The following ENPP7 variants were observed in gnomAD, a reference collection of about 807,000 sequenced individuals.
The protein encoded by ENPP7 is ectonucleotide pyrophosphatase/phosphodiesterase 7.
Under a neutral mutation model 33.6 loss-of-function variants are expected in ENPP7, and 39 were observed. That is an observed-to-expected ratio of 1.16 (90% CI 0.90 to 1.52). The LOEUF (loss-of-function observed/expected upper bound fraction) is 1.52. Among genes scored for constraint, ENPP7 ranks in the 40% most tolerant of loss-of-function variants. The pLI is 0.00. For missense variants in ENPP7, 594 were observed against 641.0 expected (o/e 0.93, Z 0.79); for synonymous variants, 244 against 274.3 (o/e 0.89, Z 1.09).
At position 79,737,084 on chromosome 17, in the gene ENPP7, A is replaced by T; in HGVS notation, c.1070A>T (p.Asn357Ile). ...AACAATGGGGAGCACGGCTTTGACA[A>T]CAAGGACATGGACATGAAGACCATC... ...QFNNGEHGFD[N>I]KDMDMKTIFR... The change falls in exon 4 of 6, where the codon AAC becomes ATC. Residue 357 changes from asparagine to isoleucine, a missense_variant. By Grantham distance (149) the Asn-to-Ile change is moderately radical. Around this residue, in one of 3 missense-constraint regions of ENPP7, gnomAD observed 504 missense variants for 512.8 expected, o/e 0.98. Transcript: ENST00000328313. This position sits in a 1 kb window ranked among gnomAD's most constrained non-coding sequence, Gnocchi z 5.5. 1 of 1,614,180 alleles carries T rather than the reference A, an allele frequency of 6.2e-7. No homozygotes were observed. Among genetic ancestry groups the T allele is most frequent in the South Asian group, 1.1e-5 (1 of 91,090 alleles).
chr17:79,738,817 C>G lies in ENPP7; in HGVS notation c.*16+755C>G, dbSNP rs1555824132. On this transcript the variant is annotated intron_variant, in intron 5 of 5. Coordinates refer to ENST00000328313, the MANE Select transcript of ENPP7 (RefSeq NM_178543.5). This position sits in a 1 kb window ranked among gnomAD's most constrained non-coding sequence, Gnocchi z 6.2. ...CCCTTGTCTGTCTGTGCAGCCACAG[C>G]CTCCTAGGCCAAGCAGAAGAAAGTC... 6.6e-6 allele frequency: 1 copy of G among 152,072 alleles called. No individual in the cohort carries two copies. Among genetic ancestry groups the G allele is most frequent in the African/African-American group, 2.4e-5 (1 of 41,406 alleles). 9.4% of individuals were successfully genotyped at this position (152,072 alleles called of 1,614,324 possible). A position where few individuals can be genotyped will look rare whatever the true frequency, so the allele number is the denominator to read the frequency against.
intron 2 of ENPP7, among the ~76,000 whole-genome samples, chr17:79,733,902 TG>T (rs2145790914): frequency 6.6e-6 from 1 of 152,244 alleles, no homozygotes; most frequent in East Asian, 1.9e-4. Context: ...CGGTCCTCTC[TG>T]GGGGGCCCTG....
At chr17:79,733,750 C>A in intron 2 of ENPP7, 97 bp downstream of exon 2, 1 of 1,321,590 alleles carries the variant, frequency 7.6e-7, no homozygotes, top group Non-Finnish European at 1.0e-6. Context: ...CAGGTCCCTT[C>A]CCCACTCCAG....
intron 5 of ENPP7, 35 bp from the exon 6 acceptor site, chr17:79,741,759 C>G: frequency 1.0e-6 from 1 of 985,130 alleles, no homozygotes. Context: ...CCCATCCTCT[C>G]CTCCCAGACC....
intron 3 of ENPP7, among the ~76,000 whole-genome samples, chr17:79,736,342 C>T (rs2094295715): frequency 6.6e-6 from 1 of 152,214 alleles, no homozygotes; most frequent in Non-Finnish European, 1.5e-5. Context: ...TCTGGCCTCT[C>T]CTTCCATCTC....
At position 79,741,731 on chromosome 17, in the gene ENPP7, G is replaced by T. The variant is rs531224707; in HGVS notation, c.*17-63G>T. The T allele has an allele frequency of 1.6e-5, 15 of 936,228 alleles. No homozygotes were observed. The African/African-American group carries it at 2.6e-4, about 16-fold the overall frequency. The allele number at this position is 936,228 out of a possible 1,614,324, so 58.0% of individuals were successfully genotyped here. A position where few individuals can be genotyped will look rare whatever the true frequency, so the allele number is the denominator to read the frequency against. On this transcript the variant is annotated intron_variant, in intron 5 of 5. Coordinates refer to ENST00000328313, the MANE Select transcript of ENPP7 (RefSeq NM_178543.5). The stretch of plus-strand genomic sequence containing the variant: ...CACCGCTGCTTCACCTGTCCCACCA[G>T]ACCTGCCCTCAGCCTGCCCCATCCT...
Position 79,737,088 on chromosome 17 carries a change from G to A in ENPP7, c.1074G>A (p.Lys358=), listed in dbSNP as rs1568487515. Residue 358 remains lysine, a synonymous_variant, in exon 4 of 6, where the codon AAG becomes AAA. Coordinates refer to ENST00000328313, the MANE Select transcript of ENPP7 (RefSeq NM_178543.5). The surrounding 1 kb of genome is among the most constrained non-coding windows in gnomAD (Gnocchi z 5.5). ...ATGGGGAGCACGGCTTTGACAACAA[G>A]GACATGGACATGAAGACCATCTTCC... ...FNNGEHGFDN[K]DMDMKTIFRA... is the part of the protein sequence containing the mutation. 5.0e-6 allele frequency: 8 copies of A among 1,614,194 alleles called. No homozygotes were observed. The highest frequency in any genetic ancestry group is 5.9e-6 in the Non-Finnish European group (7 of 1,180,038).
At chr17:79,733,953 G>A (rs1278605260) in intron 2 of ENPP7, among the ~76,000 whole-genome samples, 1 of 152,186 alleles carries the variant, frequency 6.6e-6, no homozygotes, top group Non-Finnish European at 1.5e-5. Context: ...GTCGGAGGGA[G>A]AACTGCACCC....
rs782193676 is a variant in ENPP7 at position 79,737,218 on chromosome 17, A to C, written c.1204A>C (p.Asn402His). The C allele has an allele frequency of 6.2e-6, 10 of 1,611,262 alleles. No homozygotes were observed. Among genetic ancestry groups the C allele is most frequent in the Non-Finnish European group, 8.5e-6 (10 of 1,179,918 alleles). The stretch of plus-strand genomic sequence containing the variant: ...GCTGCTGGGCATCGTGCCCGAGGCC[A>C]ACGATGGGCACCTAGCTACTCTGCT... ...CRLLGIVPEA[N>H]DGHLATLLPM... is the part of the protein sequence containing the mutation. The change falls in exon 4 of 6, where the codon AAC becomes CAC. Residue 402 changes from asparagine (N) to histidine (H), a missense_variant. Asn to His is a moderately conservative substitution (Grantham distance 68). This residue lies in a region of ENPP7 where 504 missense variants were observed against 512.8 expected (regional missense o/e 0.98). Transcript: ENST00000328313. The surrounding 1 kb of genome is among the most constrained non-coding windows in gnomAD (Gnocchi z 5.5).
chr17:79,735,039 G>C lies in ENPP7; in HGVS notation c.400-4G>C. ...CCTGTCTTTCACGCTGCCTTGTCTGGCAGGGCCTGAGGGCTGGCTCCTTCT... is the reference window on the plus strand; with the variant it reads ...CCTGTCTTTCACGCTGCCTTGTCTGCCAGGGCCTGAGGGCTGGCTCCTTCT... On this transcript the variant is annotated splice_region_variant and splice_polypyrimidine_tract_variant and intron_variant, in intron 2 of 5. Transcript: ENST00000328313. The surrounding 1 kb of genome is among the most constrained non-coding windows in gnomAD (Gnocchi z 5.5). The C allele has an allele frequency of 6.2e-7, 1 of 1,612,052 alleles. No individual in the cohort carries two copies. The highest frequency in any genetic ancestry group is 8.5e-7 in the Non-Finnish European group (1 of 1,179,342).
Position 79,735,567 on chromosome 17 carries a change from C to G in ENPP7, c.924C>G (p.His308Gln). 1 of 1,613,932 alleles carries G rather than the reference C, an allele frequency of 6.2e-7. No homozygotes were observed. The highest frequency in any genetic ancestry group is 1.1e-5 in the South Asian group (1 of 91,088). The change falls in exon 3 of 6, where the codon CAC (histidine) becomes CAG (glutamine). Residue 308 changes from histidine to glutamine, a missense_variant. By Grantham distance (24) the His-to-Gln change is conservative. This residue lies in a region of ENPP7 where 504 missense variants were observed against 512.8 expected (regional missense o/e 0.98). Transcript: ENST00000328313. This position sits in a 1 kb window ranked among gnomAD's most constrained non-coding sequence, Gnocchi z 5.5. The part of the protein sequence containing the change: ...DALKDAHPKL[H>Q]VYKKEAFPEA... ...TCAAGGACGCCCACCCCAAGCTCCACGTCTACAAGAAGGAGGCGTTCCCCG... is the reference window on the plus strand; with the variant it reads ...TCAAGGACGCCCACCCCAAGCTCCAGGTCTACAAGAAGGAGGCGTTCCCCG...
At position 79,736,536 on chromosome 17, in the gene ENPP7, C is replaced by CACGTGTGT. The variant is rs1317944325; in HGVS notation, c.1027-505_1027-504insACGTGTGT. On this transcript the variant is annotated intron_variant, in intron 3 of 5. Coordinates refer to ENST00000328313, the MANE Select transcript of ENPP7 (RefSeq NM_178543.5). The stretch of plus-strand genomic sequence containing the variant: ...TCATGACCAGGCACTGTGTGATAGG[C>CACGTGTGT]GTGTGTGTGTGTGTGTGTGTGTGTG... Among the ~76,000 whole-genome samples the CACGTGTGT allele has an allele frequency of 1.3e-3, 183 of 146,114 alleles. 3 individuals carry two copies. Among genetic ancestry groups the CACGTGTGT allele is most frequent in the African/African-American group, 4.4e-3 (176 of 40,234 alleles).
At chr17:79,741,304 T>A (rs1555824512) in intron 5 of ENPP7, among the ~76,000 whole-genome samples, 1 of 152,232 alleles carries the variant, frequency 6.6e-6, no homozygotes, top group African/African-American at 2.4e-5. Flanking sequence ...GGCCCATTTC[T>A]TTCCTCTGAA....
Position 79,741,811 on chromosome 17 carries a change from C to G in ENPP7, c.*34C>G, listed in dbSNP as rs1473841098. 9.1e-6 allele frequency: 9 copies of G among 985,970 alleles called. No individual in the cohort carries two copies. The highest frequency in any genetic ancestry group is 1.1e-5 in the Non-Finnish European group (9 of 830,496). The allele number at this position is 985,970 out of a possible 1,614,324, so 61.1% of individuals were successfully genotyped here. On this transcript the variant is annotated 3_prime_UTR_variant, in exon 6 of 6. Coordinates refer to ENST00000328313, the MANE Select transcript of ENPP7 (RefSeq NM_178543.5). ...TCTTCCAGGAAGCCGCCGGGAGCTG[C>G]CCGCAGGCCCTGGGCCGGCTGTCTC...
intron 5 of ENPP7, among the ~76,000 whole-genome samples, chr17:79,740,907 G>A (rs1905475553): frequency 6.6e-6 from 1 of 152,214 alleles, no homozygotes; most frequent in African/African-American, 2.4e-5. Flanking sequence ...CTAAGAGCTG[G>A]GGGGTCCGAA....
At chr17:79,732,153 C>CATATATATATATATATATATAT (rs2094287791) in intron 1 of ENPP7, among the ~76,000 whole-genome samples, 1 of 73,706 alleles carries the variant, frequency 1.4e-5, no homozygotes, top group Non-Finnish European at 3.0e-5. Context: ...TATATATACA[C>CATATATATATATATATATATAT]ACACATATAT....
Position 79,731,453 on chromosome 17 carries a change from G to A in ENPP7, c.253+61G>A, listed in dbSNP as rs1671860826. On this transcript the variant is annotated intron_variant, in intron 1 of 5. Coordinates refer to ENST00000328313, the MANE Select transcript of ENPP7 (RefSeq NM_178543.5). ...AGGGCCTGAGAAACCAGATGGCACA[G>A]AGCCGTGTCGTGCAGGATAAAGGGG... 20 of 1,546,612 alleles carry A rather than the reference G, an allele frequency of 1.3e-5. 1 individual carries two copies. In the South Asian group the frequency reaches 2.5e-4, roughly 19 times the overall value.
chr17:79,733,322 G>A (rs3923265), intron 1 of ENPP7, among the ~76,000 whole-genome samples, 186 bp from the exon 2 acceptor site: 75,092 of 152,084 alleles, frequency 0.49, 21,068 homozygotes, highest in Admixed American at 0.64. Context: ...ACATGACCTC[G>A]AACCTTGGCT....
chr17:79,736,801 C>A (rs954837644), intron 3 of ENPP7, among the ~76,000 whole-genome samples: 1 of 152,234 alleles, frequency 6.6e-6, no homozygotes, highest in Non-Finnish European at 1.5e-5. Flanking sequence ...GAGCTGCCCG[C>A]TCCACTCCCA....
Sources: gnomAD v4.1 joint callset for allele counts (sites outside exome capture counted in the v4.1 genomes callset) on GRCh38, gnomAD v4.1.1 for gene constraint, gnomAD v4.1.1 regional missense constraint, Gnocchi (gnomAD v3.1) non-coding constraint, MANE v1.5 for transcripts, NCBI Gene and HGNC (gene_info 2026-07-23, HGNC 2026-07-21) for gene names.